Variants in CSMD1 observed in about 807,000 individuals in gnomAD.
The protein encoded by CSMD1 is CUB and Sushi multiple domains 1.
Under a neutral mutation model 417.5 loss-of-function variants are expected in CSMD1, and 213 were observed. That is an observed-to-expected ratio of 0.51 (90% CI 0.46 to 0.57). CSMD1 has a LOEUF of 0.57. CSMD1 is among the 20% of genes least tolerant of loss of function. CSMD1 has a pLI of 0.00. For synonymous variants in CSMD1, 2,862 were observed against 1,736.8 expected (o/e 1.65, Z -16.11); for missense variants, 6,923 against 4,529.7 (o/e 1.53, Z -15.17).
intron 4 of CSMD1, among the ~76,000 whole-genome samples, chr8:4,009,464 T>C (rs1816380577): frequency 6.6e-6 from 1 of 152,210 alleles, no homozygotes; most frequent in Admixed American, 6.5e-5. Flanking sequence ...TAAGCTATGA[T>C]ACATTCAAAC....
chr8:4,467,303 G>A (rs1800240957), intron 2 of CSMD1, among the ~76,000 whole-genome samples: 1 of 152,114 alleles, frequency 6.6e-6, no homozygotes, highest in Non-Finnish European at 1.5e-5. Flanking sequence ...AGGAAAGGAG[G>A]AGTCACTATA....
At chr8:3,637,624 G>A (rs1584999641) in intron 7 of CSMD1, among the ~76,000 whole-genome samples, 2 of 148,826 alleles carry the variant, frequency 1.3e-5, no homozygotes, top group African/African-American at 4.9e-5. Flanking sequence ...GGGTGCTACT[G>A]TTGGCACTAT....
intron 7 of CSMD1, among the ~76,000 whole-genome samples, chr8:3,700,853 G>A (rs564709976): frequency 1.9e-4 from 29 of 152,206 alleles, no homozygotes; most frequent in Non-Finnish European, 2.2e-4. Flanking sequence ...TGCCTGTGAC[G>A]GGAAACGTTT....
intron 1 of CSMD1, among the ~76,000 whole-genome samples, chr8:4,783,743 C>G (rs1328393023): frequency 6.6e-6 from 1 of 152,164 alleles, no homozygotes; most frequent in Non-Finnish European, 1.5e-5. Flanking sequence ...CAAGCATATC[C>G]TCTTTCTAGT....
At chr8:3,535,971 G>T (rs1005384126) in intron 10 of CSMD1, among the ~76,000 whole-genome samples, 1 of 152,106 alleles carries the variant, frequency 6.6e-6, no homozygotes, top group Non-Finnish European at 1.5e-5. Flanking sequence ...TATGACAGAG[G>T]GCCATCCAGG....
intron 2 of CSMD1, among the ~76,000 whole-genome samples, chr8:4,440,270 G>A (rs1262433502): frequency 1.3e-5 from 2 of 152,114 alleles, no homozygotes; most frequent in African/African-American, 2.4e-5. Flanking sequence ...TTTATAAGAT[G>A]CTCACAGCAT....
chr8:3,781,493 G>T (rs1279770590), intron 5 of CSMD1, among the ~76,000 whole-genome samples: 1 of 132,550 alleles, frequency 7.5e-6, no homozygotes. Context: ...ACCACGTGGT[G>T]CCCCTGAGTT....
intron 3 of CSMD1, among the ~76,000 whole-genome samples, chr8:4,051,906 TCC>T (rs758869615): frequency 0.14 from 20,142 of 144,952 alleles, 1,870 homozygotes; most frequent in East Asian, 0.44. Context: ...CTTCCTTCCT[TCC>T]TTCCTTTCTT....
At chr8:3,540,826 A>G (rs757806735) in intron 10 of CSMD1, among the ~76,000 whole-genome samples, 1 of 152,216 alleles carries the variant, frequency 6.6e-6, no homozygotes, top group Non-Finnish European at 1.5e-5. Flanking sequence ...TCAAAACCAC[A>G]ATGAGATCAT....
chr8:4,313,907 G>C (rs1207462744), intron 3 of CSMD1, among the ~76,000 whole-genome samples: 3 of 151,926 alleles, frequency 2.0e-5, no homozygotes, highest in East Asian at 1.9e-4. Context: ...CCAGCTACTT[G>C]GGAGGCTGAG....
At chr8:3,074,363 C>G (rs139556053) in intron 49 of CSMD1, among the ~76,000 whole-genome samples, 1 of 152,192 alleles carries the variant, frequency 6.6e-6, no homozygotes, top group African/African-American at 2.4e-5. Flanking sequence ...AACAACATAA[C>G]GCAATCACGG....
intron 23 of CSMD1, among the ~76,000 whole-genome samples, chr8:3,336,547 G>C (rs1033600215): frequency 1.3e-5 from 2 of 152,158 alleles, no homozygotes; most frequent in Non-Finnish European, 2.9e-5. Flanking sequence ...TGGTGGTTGG[G>C]ATTGAACAGA....
At chr8:3,721,427 A>C (rs1158917615) in intron 6 of CSMD1, among the ~76,000 whole-genome samples, 2 of 152,158 alleles carry the variant, frequency 1.3e-5, no homozygotes, top group East Asian at 1.9e-4. Flanking sequence ...TCCTCAGAAA[A>C]CATCAAACAG....
chr8:3,487,202 T>C (rs1818091203), intron 11 of CSMD1, among the ~76,000 whole-genome samples: 1 of 151,280 alleles, frequency 6.6e-6, no homozygotes, highest in Non-Finnish European at 1.5e-5. Flanking sequence ...AGCATACTTT[T>C]TTATTTATTT....
intron 5 of CSMD1, among the ~76,000 whole-genome samples, chr8:3,813,583 T>A (rs537403080): frequency 2.6e-5 from 4 of 152,160 alleles, no homozygotes; most frequent in Non-Finnish European, 1.5e-5. Flanking sequence ...TAACAAGAAT[T>A]TTAAGATATT....
chr8:4,159,965 A>G (rs370314641), intron 3 of CSMD1, among the ~76,000 whole-genome samples: 86 of 152,222 alleles, frequency 5.6e-4, no homozygotes, highest in African/African-American at 1.9e-3. Flanking sequence ...GGTGAGGGAT[A>G]AAAGACTACC....
chr8:3,124,421 A>G (rs1213300503), intron 41 of CSMD1, among the ~76,000 whole-genome samples: 1 of 152,246 alleles, frequency 6.6e-6, no homozygotes, highest in Non-Finnish European at 1.5e-5. Flanking sequence ...GTAGTGGTCA[A>G]AATTGTTTTG....
intron 5 of CSMD1, among the ~76,000 whole-genome samples, chr8:3,809,800 G>C (rs1204411690): frequency 6.6e-6 from 1 of 152,094 alleles, no homozygotes; most frequent in African/African-American, 2.4e-5. Flanking sequence ...GTCATTAGGA[G>C]AAAATGCACT....
At chr8:4,511,404 G>C (rs1802813914) in intron 2 of CSMD1, among the ~76,000 whole-genome samples, 1 of 152,114 alleles carries the variant, frequency 6.6e-6, no homozygotes, top group Non-Finnish European at 1.5e-5. Context: ...TTGCAAACTT[G>C]CTGGTTTCTA....
Sources: allele counts gnomAD v4.1 joint callset (sites outside exome capture counted in the v4.1 genomes callset), GRCh38; gene constraint gnomAD v4.1.1; transcripts MANE v1.5; gene names NCBI Gene and HGNC (gene_info 2026-07-23, HGNC 2026-07-21).